DHDDS: variants seen among roughly 807,000 people sequenced by gnomAD.
DHDDS encodes the protein dehydrodolichyl diphosphate synthase subunit.
DHDDS carries 16 observed loss-of-function variants against 46.2 expected under a neutral mutation model. That is an observed-to-expected ratio of 0.35 (90% CI 0.23 to 0.53). The LOEUF (loss-of-function observed/expected upper bound fraction) is 0.53. Among genes scored for constraint, DHDDS ranks in the 20% least tolerant of loss-of-function variants. The pLI, the probability that DHDDS is intolerant of heterozygous loss-of-function variation, is 0.94. For synonymous variants in DHDDS, 151 were observed against 163.1 expected (o/e 0.93, Z 0.56); for missense variants, 340 against 423.7 (o/e 0.80, Z 1.73).
At chr1:26,451,864 G>A (rs1285149621) in intron 6 of DHDDS, among the ~76,000 whole-genome samples, 2 of 151,586 alleles carry the variant, frequency 1.3e-5, no homozygotes, top group South Asian at 2.1e-4. Flanking sequence ...TCCTGACCTC[G>A]TGATCTGCCT....
intron 6 of DHDDS, among the ~76,000 whole-genome samples, chr1:26,454,433 C>G (rs936797334): frequency 4.6e-5 from 7 of 152,106 alleles, no homozygotes; most frequent in Non-Finnish European, 1.0e-4. Flanking sequence ...GAGACTGAGT[C>G]TCTGAAGTCA....
chr1:26,469,200 G>A lies in DHDDS; in HGVS notation c.*69G>A. The A allele has an allele frequency of 1.9e-6, 3 of 1,606,350 alleles. No individual in the cohort carries two copies. The highest frequency in any genetic ancestry group is 2.2e-5 in the East Asian group (1 of 44,878). ...GGGCTCCACTCCCCTTCCTTTTCTT[G>A]GTGAAAGGCACCTCCTTTCCTGATA... On this transcript the variant is annotated 3_prime_UTR_variant, in exon 9 of 9. Transcript: ENST00000236342.
chr1:26,457,936 T>C, intron 7 of DHDDS, 31 bp downstream of exon 7: 1 of 1,581,678 alleles, frequency 6.3e-7, no homozygotes, highest in South Asian at 1.1e-5. Flanking sequence ...ATTATGTTTG[T>C]GTCATGGGGA....
At chr1:26,449,145 C>T (rs1230219180) in intron 6 of DHDDS, among the ~76,000 whole-genome samples, 1 of 152,096 alleles carries the variant, frequency 6.6e-6, no homozygotes, top group East Asian at 1.9e-4. Flanking sequence ...TGTCTCCAGG[C>T]TGGAGTGCAA....
intron 6 of DHDDS, among the ~76,000 whole-genome samples, chr1:26,451,730 G>A (rs551903850): frequency 1.3e-5 from 2 of 151,076 alleles, no homozygotes; most frequent in Non-Finnish European, 2.9e-5. Flanking sequence ...CCGGGTTCAC[G>A]CCATTCTCCT....
intron 3 of DHDDS, among the ~76,000 whole-genome samples, chr1:26,440,133 C>T (rs764800255): frequency 1.3e-5 from 2 of 152,000 alleles, no homozygotes; most frequent in Non-Finnish European, 2.9e-5. Flanking sequence ...AGTGAGACTC[C>T]GTCTCAAAAA....
intron 6 of DHDDS, chr1:26,454,929 T>C: frequency 6.2e-7 from 1 of 1,602,394 alleles, no homozygotes; most frequent in South Asian, 1.1e-5. Flanking sequence ...AATTCAGCAC[T>C]CTTTTTGGGC....
intron 3 of DHDDS, among the ~76,000 whole-genome samples, chr1:26,439,915 C>T (rs1438357784): frequency 3.3e-5 from 5 of 152,066 alleles, no homozygotes; most frequent in African/African-American, 9.7e-5. Flanking sequence ...CTGAGGTGCG[C>T]GGATCATGAG....
chr1:26,451,404 A>G (rs1057330948), intron 6 of DHDDS, among the ~76,000 whole-genome samples: 7 of 135,954 alleles, frequency 5.1e-5, no homozygotes, highest in Non-Finnish European at 7.9e-5. Flanking sequence ...ATGTATGTAG[A>G]TGTGTGTGTG....
At chr1:26,449,067 ATATTT>A (rs2075295415) in intron 6 of DHDDS, among the ~76,000 whole-genome samples, 1 of 151,870 alleles carries the variant, frequency 6.6e-6, no homozygotes, top group Admixed American at 6.6e-5. Context: ...CATTCAACAA[ATATTT>A]TATTTTTATT....
In DHDDS at chr1:26,470,875, A is replaced by T. The variant is rs975393556; in HGVS notation, c.*1744A>T. The T allele has an allele frequency of 1.3e-5, 2 of 152,884 alleles. No homozygotes were observed. The highest frequency in any genetic ancestry group is 1.9e-4 in the East Asian group (1 of 5,180). 9.5% of individuals were successfully genotyped at this position (152,884 alleles called of 1,614,324 possible). The stretch of plus-strand genomic sequence containing the variant: ...GCGGGAATGAGGGGCTGGAGGCAGC[A>T]AACGGAATCTGCCCTATGAGCGTGG... On this transcript the variant is annotated 3_prime_UTR_variant, in exon 9 of 9. Transcript: ENST00000236342.
chr1:26,450,470 GAAGA>G (rs1171726462), intron 6 of DHDDS, among the ~76,000 whole-genome samples: 1 of 152,182 alleles, frequency 6.6e-6, no homozygotes, highest in African/African-American at 2.4e-5. Context: ...AGAGTGAGAA[GAAGA>G]AAGAGCCTAA....
intron 6 of DHDDS, chr1:26,454,919 A>C: frequency 1.2e-6 from 2 of 1,601,754 alleles, no homozygotes; most frequent in South Asian, 2.2e-5. Flanking sequence ...GTGCAGCAAA[A>C]ATTCAGCACT....
chr1:26,466,192 G>A (rs987377895), intron 8 of DHDDS: 3 of 152,120 alleles, frequency 2.0e-5, no homozygotes, highest in African/African-American at 4.8e-5. Flanking sequence ...AAGAATTAAC[G>A]CCCTCACTTA....
chr1:26,456,597 T>C (rs2075372330), intron 6 of DHDDS, among the ~76,000 whole-genome samples: 1 of 152,208 alleles, frequency 6.6e-6, no homozygotes, highest in Non-Finnish European at 1.5e-5. Context: ...TTCACCTTGT[T>C]GGCCAGGCTG....
At chr1:26,462,699 A>G (rs987244227) in intron 8 of DHDDS, 1 of 152,194 alleles carries the variant, frequency 6.6e-6, no homozygotes, top group Non-Finnish European at 1.5e-5. Flanking sequence ...AGTCTTTTAT[A>G]GTAATTTCAC....
chr1:26,468,258 G>C (rs1304321134), intron 8 of DHDDS, among the ~76,000 whole-genome samples: 3 of 152,126 alleles, frequency 2.0e-5, no homozygotes, highest in Non-Finnish European at 4.4e-5. Context: ...GGATCAGGCT[G>C]GTCTTCATAC....
At chr1:26,452,673 C>T (rs1357114610) in intron 6 of DHDDS, among the ~76,000 whole-genome samples, 2 of 152,184 alleles carry the variant, frequency 1.3e-5, no homozygotes, top group African/African-American at 2.4e-5. Flanking sequence ...GGAAAAGTAA[C>T]TTGTGCAAGT....
At chr1:26,456,763 CCTTA>C (rs371914675) in intron 6 of DHDDS, among the ~76,000 whole-genome samples, 26 of 152,316 alleles carry the variant, frequency 1.7e-4, no homozygotes, top group African/African-American at 6.3e-4. Context: ...GTCTTTTCTT[CCTTA>C]CTTCTTATCC....
Sources: gnomAD v4.1 joint callset for allele counts (sites outside exome capture counted in the v4.1 genomes callset) on GRCh38, gnomAD v4.1.1 for gene constraint, MANE v1.5 for transcripts, NCBI Gene and HGNC (gene_info 2026-07-23, HGNC 2026-07-21) for gene names.